The following ADARB2 variants were observed in gnomAD, a reference collection of about 807,000 sequenced individuals.
ADARB2 encodes the protein inactive double-stranded RNA-specific editase B2.
A neutral mutation model predicts 62.2 loss-of-function variants in ADARB2; 25 were observed. The observed-to-expected ratio is 0.40, with a 90% CI of 0.29 to 0.56. The LOEUF is 0.56. Ranked by LOEUF, ADARB2 falls within the 20% of genes least tolerant of loss-of-function variation. The probability of loss-of-function intolerance (pLI) is 0.43; values close to 1 mark genes in which losing one functional copy is unlikely to be tolerated. For missense variants in ADARB2, 1,071 were observed against 1,077.4 expected, an observed-to-expected ratio of 0.99 and a Z score of 0.08; for synonymous variants, 572 against 500.8, an observed-to-expected ratio of 1.14 and a Z score of -1.90.
chr10:1,550,890 G>A (rs1222525693), intron 1 of ADARB2, among the ~76,000 whole-genome samples: 2 of 152,056 alleles, frequency 1.3e-5, no homozygotes, highest in African/African-American at 4.8e-5. Context: ...GCCGCAACAG[G>A]AAGAATGGTG....
chr10:1,577,586 C>A (rs1027330959), intron 1 of ADARB2, among the ~76,000 whole-genome samples: 1 of 152,210 alleles, frequency 6.6e-6, no homozygotes, highest in Non-Finnish European at 1.5e-5. Context: ...CAGCTGTGAA[C>A]GTGCCAGGCT....
intron 1 of ADARB2, among the ~76,000 whole-genome samples, chr10:1,540,853 C>T (rs764503838): frequency 9.8e-5 from 4 of 40,904 alleles, no homozygotes; most frequent in Admixed American, 5.5e-4. Flanking sequence ...TCCGTCCAGA[C>T]CCCACTCAGA....
At chr10:1,225,698 TGG>T (rs1830738514) in intron 6 of ADARB2, among the ~76,000 whole-genome samples, 1 of 134,150 alleles carries the variant, frequency 7.5e-6, no homozygotes, top group Non-Finnish European at 1.7e-5. Flanking sequence ...TATGAAATTC[TGG>T]GTTAAAATTC....
At position 1,210,547 on chromosome 10, in the gene ADARB2, C is replaced by T. The variant is rs188922914; in HGVS notation, c.1682+6404G>A. On this transcript the variant is annotated intron_variant, in intron 7 of 9. Coordinates refer to ENST00000381312, the MANE Select transcript of ADARB2 (RefSeq NM_018702.4). ...AAAGTTAGTGGCTGAGCAGAAGACA[C>T]GTGCTTCGCCTCCATAAAGTCGTCT... 2.8e-4 allele frequency among the ~76,000 whole-genome samples: 42 copies of T among 152,368 alleles called. No individual in the cohort carries two copies. The East Asian group carries it at 5.6e-3, about 20-fold the overall frequency.
At chr10:1,526,531 G>A (rs746070853) in intron 1 of ADARB2, 3 of 180,538 alleles carry the variant, frequency 1.7e-5, no homozygotes, top group Non-Finnish European at 2.4e-5. Flanking sequence ...TGCAGTGAGA[G>A]CTGATTGGTA....
intron 1 of ADARB2, among the ~76,000 whole-genome samples, chr10:1,456,137 C>T (rs548518825): frequency 2.0e-5 from 3 of 152,304 alleles, no homozygotes; most frequent in Admixed American, 6.5e-5. Flanking sequence ...GAAACTTACT[C>T]TCTTTATCTA....
chr10:1,728,434 G>T (rs1485961093), intron 1 of ADARB2, among the ~76,000 whole-genome samples: 1 of 152,154 alleles, frequency 6.6e-6, no homozygotes, highest in Admixed American at 6.5e-5. Flanking sequence ...TAGAGCTGGG[G>T]AGTCTTTTAA....
chr10:1,309,465 G>A (rs1353233847), intron 3 of ADARB2, among the ~76,000 whole-genome samples: 1 of 152,234 alleles, frequency 6.6e-6, no homozygotes, highest in Non-Finnish European at 1.5e-5. Context: ...CTCCTAGGTT[G>A]GGGATTCTGC....
intron 1 of ADARB2, among the ~76,000 whole-genome samples, chr10:1,454,146 T>C (rs1588263728): frequency 6.6e-6 from 1 of 152,058 alleles, no homozygotes; most frequent in African/African-American, 2.4e-5. Flanking sequence ...TGGCGGCAGG[T>C]AGGAGAGCGT....
At chr10:1,458,501 C>T (rs1385650149) in intron 1 of ADARB2, among the ~76,000 whole-genome samples, 1 of 152,216 alleles carries the variant, frequency 6.6e-6, no homozygotes, top group Non-Finnish European at 1.5e-5. Context: ...AGAAGCCCTG[C>T]TCAAGAACTG....
Position 1,217,136 on chromosome 10 carries a change from C to A in ADARB2, c.1514-17G>T. 6.4e-7 allele frequency: 1 copy of A among 1,554,576 alleles called. No homozygotes were observed. Among genetic ancestry groups the A allele is most frequent in the South Asian group, 1.2e-5 (1 of 82,986 alleles). ...TGCTGTGCACTAGGAGATAAAAGGG[C>A]GGGGAGGGGTGAGAAGAGGGAAGCC... On this transcript the variant is annotated splice_polypyrimidine_tract_variant and intron_variant, in intron 6 of 9. Coordinates refer to ENST00000381312, the MANE Select transcript of ADARB2 (RefSeq NM_018702.4).
intron 1 of ADARB2, among the ~76,000 whole-genome samples, chr10:1,481,539 C>G (rs1460892915): frequency 6.6e-6 from 1 of 152,044 alleles, no homozygotes; most frequent in African/African-American, 2.4e-5. Flanking sequence ...AAAATATTTG[C>G]AAATCATATA....
At chr10:1,391,340 A>G (rs1472778844) in intron 1 of ADARB2, among the ~76,000 whole-genome samples, 1 of 152,162 alleles carries the variant, frequency 6.6e-6, no homozygotes, top group Admixed American at 6.5e-5. Flanking sequence ...TTGCTTGTTG[A>G]AACTGTGCTA....
intron 1 of ADARB2, among the ~76,000 whole-genome samples, chr10:1,519,019 G>C (rs973235786): frequency 2.1e-4 from 32 of 152,108 alleles, no homozygotes; most frequent in Middle Eastern, 3.4e-3. Flanking sequence ...TCTGCACATG[G>C]TATGGTCATA....
chr10:1,709,495 GCTGA>G (rs1245050042), intron 1 of ADARB2, among the ~76,000 whole-genome samples: 15 of 152,188 alleles, frequency 9.9e-5, no homozygotes, highest in Non-Finnish European at 1.6e-4. Flanking sequence ...TTTGTTAGCT[GCTGA>G]CTATGATGTG....
chr10:1,544,956 T>TATACACACACAC lies in ADARB2; in HGVS notation c.101-165797_101-165796insGTGTGTGTGTAT, dbSNP rs10526252. ...ATGTGAAGTCTATAATAGCAAAGTATACACACACACACACACACACACACA... is the reference window on the plus strand; with the variant it reads ...ATGTGAAGTCTATAATAGCAAAGTATATACACACACACACACACACACACACACACACACACA... On this transcript the variant is annotated intron_variant, in intron 1 of 9. Coordinates refer to ENST00000381312, the MANE Select transcript of ADARB2 (RefSeq NM_018702.4). 1.1e-3 allele frequency among the ~76,000 whole-genome samples: 153 copies of TATACACACACAC among 133,932 alleles called. 2 individuals are homozygous for TATACACACACAC. Among genetic ancestry groups the TATACACACACAC allele is most frequent in the African/African-American group, 2.8e-3 (103 of 36,568 alleles). 87.9% of individuals were successfully genotyped at this position (133,932 alleles called of 152,430 possible).
chr10:1,366,980 G>A (rs572676906), intron 2 of ADARB2, among the ~76,000 whole-genome samples: 3 of 152,340 alleles, frequency 2.0e-5, no homozygotes, highest in Admixed American at 1.3e-4. Flanking sequence ...ATGTTGACAC[G>A]TGCATCTGCT....
chr10:1,519,698 A>G (rs1210342581), intron 1 of ADARB2, among the ~76,000 whole-genome samples: 1 of 152,004 alleles, frequency 6.6e-6, no homozygotes, highest in Non-Finnish European at 1.5e-5. Flanking sequence ...AAGTCATTCC[A>G]CTCAGGATTT....
At chr10:1,516,627 C>T (rs528838796) in intron 1 of ADARB2, among the ~76,000 whole-genome samples, 2 of 152,176 alleles carry the variant, frequency 1.3e-5, no homozygotes, top group Non-Finnish European at 2.9e-5. Context: ...AATGCCCTCC[C>T]GTTTTATGCC....
Sources: allele counts gnomAD v4.1 joint callset (sites outside exome capture counted in the v4.1 genomes callset), GRCh38; gene constraint gnomAD v4.1.1; transcripts MANE v1.5; gene names NCBI Gene and HGNC (gene_info 2026-07-23, HGNC 2026-07-21).